The following WDFY3 variants were observed in gnomAD, a reference collection of about 807,000 sequenced individuals.
WDFY3 encodes WD repeat and FYVE domain-containing protein 3.
Under a neutral mutation model 409.6 loss-of-function variants are expected in WDFY3, and 66 were observed. The ratio of observed to expected loss-of-function variants is 0.16; its 90% confidence interval spans 0.13 to 0.20. The LOEUF (loss-of-function observed/expected upper bound fraction) is 0.20, where lower values mean the gene tolerates loss of function less well. Ranked by LOEUF, WDFY3 falls within the 10% of genes least tolerant of loss-of-function variation. The pLI, the probability that WDFY3 is intolerant of heterozygous loss-of-function variation, is 1.00. For missense variants in WDFY3, 3,031 were observed against 4,298.1 expected (o/e 0.71, Z 8.24); for synonymous variants, 1,521 against 1,537.1 (o/e 0.99, Z 0.25).
intron 62 of WDFY3, among the ~76,000 whole-genome samples, chr4:84,687,475 T>C (rs1728525687): frequency 6.6e-6 from 1 of 152,136 alleles, no homozygotes; most frequent in African/African-American, 2.4e-5. Flanking sequence ...TCCTACAAAT[T>C]TCCTGTTTTT....
chr4:84,705,080 G>T (rs1048947177), intron 54 of WDFY3, among the ~76,000 whole-genome samples: 10 of 152,092 alleles, frequency 6.6e-5, no homozygotes, highest in African/African-American at 2.4e-4. Context: ...ATTAAAGTAT[G>T]GTTCCTGGAC....
At position 84,671,662 on chromosome 4, in the gene WDFY3, T is replaced by A. The variant is rs1725461554; in HGVS notation, c.*1206A>T. 6.6e-6 allele frequency: 1 copy of A among 152,460 alleles called. No homozygotes were observed. The allele number at this position is 152,460 out of a possible 1,614,324, so 9.4% of individuals were successfully genotyped here. A position where few individuals can be genotyped will look rare whatever the true frequency, so the allele number is the denominator to read the frequency against. ...ATAACTAAATATTAAAATACTGTAATTATATTCATAGCAAAAACAAAAAAA... is the reference window on the plus strand; with the variant it reads ...ATAACTAAATATTAAAATACTGTAAATATATTCATAGCAAAAACAAAAAAA... On this transcript the variant is annotated 3_prime_UTR_variant, in exon 68 of 68. Coordinates refer to ENST00000295888, the MANE Select transcript of WDFY3 (RefSeq NM_014991.6).
chr4:84,858,062 CTCAT>C (rs1454632252), intron 4 of WDFY3, among the ~76,000 whole-genome samples: 1 of 152,120 alleles, frequency 6.6e-6, no homozygotes, highest in Non-Finnish European at 1.5e-5. Flanking sequence ...CTCTTTCTTT[CTCAT>C]TCATTCCCTT....
At chr4:84,748,183 A>G (rs1037219242) in intron 36 of WDFY3, among the ~76,000 whole-genome samples, 9 of 152,168 alleles carry the variant, frequency 5.9e-5, no homozygotes, top group African/African-American at 1.9e-4. Flanking sequence ...GAGCTAGGAG[A>G]AGAGTCTCCA....
At chr4:84,747,735 T>C (rs1216594733) in intron 36 of WDFY3, among the ~76,000 whole-genome samples, 2 of 152,086 alleles carry the variant, frequency 1.3e-5, no homozygotes, top group Non-Finnish European at 2.9e-5. Flanking sequence ...AAGGGGGTTT[T>C]CCCCTACTTC....
chr4:84,853,662 C>T (rs543788274), intron 4 of WDFY3, among the ~76,000 whole-genome samples: 135 of 152,318 alleles, frequency 8.9e-4, no homozygotes, highest in Admixed American at 1.4e-3. Flanking sequence ...AGTCTTCATG[C>T]TGGGTAAATA....
At chr4:84,933,234 T>C (rs1165236266) in intron 1 of WDFY3, among the ~76,000 whole-genome samples, 3 of 152,112 alleles carry the variant, frequency 2.0e-5, no homozygotes, top group East Asian at 1.9e-4. Context: ...TCAAACAAAA[T>C]CATTCAAAAT....
intron 47 of WDFY3, 65 bp from the exon 48 acceptor site, chr4:84,718,635 T>C: frequency 6.4e-7 from 1 of 1,554,584 alleles, no homozygotes; most frequent in Non-Finnish European, 8.7e-7. Flanking sequence ...TTTGTTAGAC[T>C]ACTACGGCAT....
chr4:84,944,117 T>G (rs535629530), intron 1 of WDFY3, among the ~76,000 whole-genome samples: 2 of 152,360 alleles, frequency 1.3e-5, no homozygotes, highest in South Asian at 2.1e-4. Context: ...CAAATACATA[T>G]GCTAAAACAA....
At chr4:84,949,371 A>T (rs1385182033) in intron 1 of WDFY3, among the ~76,000 whole-genome samples, 1 of 152,180 alleles carries the variant, frequency 6.6e-6, no homozygotes, top group Non-Finnish European at 1.5e-5. Context: ...TACACGCCCA[A>T]ATTTATTTTT....
At chr4:84,749,731 T>G (rs972825833) in intron 36 of WDFY3, among the ~76,000 whole-genome samples, 1 of 152,178 alleles carries the variant, frequency 6.6e-6, no homozygotes, top group Admixed American at 6.5e-5. Flanking sequence ...AAGGAACACA[T>G]GAAAGTTGTT....
intron 51 of WDFY3, among the ~76,000 whole-genome samples, chr4:84,710,241 G>T (rs951781244): frequency 3.3e-5 from 5 of 152,016 alleles, no homozygotes; most frequent in Non-Finnish European, 5.9e-5. Flanking sequence ...TACTTAATTA[G>T]AATAACTGAA....
intron 15 of WDFY3, 65 bp downstream of exon 15, chr4:84,808,268 TA>T: frequency 7.9e-7 from 1 of 1,259,342 alleles, no homozygotes. Context: ...CATGTTAACA[TA>T]AATAAGCACA....
chr4:84,736,994 TAA>T (rs200364139), intron 41 of WDFY3, among the ~76,000 whole-genome samples, 188 bp downstream of exon 41: 51 of 114,460 alleles, frequency 4.5e-4, no homozygotes, highest in Middle Eastern at 5.4e-3. Flanking sequence ...CCTCAGATGC[TAA>T]AAAAAAAAAA....
At chr4:84,955,791 T>C (rs1459379762) in intron 1 of WDFY3, among the ~76,000 whole-genome samples, 2 of 152,226 alleles carry the variant, frequency 1.3e-5, no homozygotes, top group Non-Finnish European at 2.9e-5. Context: ...ACACTTAACA[T>C]GTACTAAGTA....
intron 1 of WDFY3, among the ~76,000 whole-genome samples, chr4:84,934,263 T>C (rs2150981677): frequency 6.6e-6 from 1 of 152,316 alleles, no homozygotes; most frequent in Middle Eastern, 3.4e-3. Flanking sequence ...TGAATTTCTT[T>C]GATGATCAAT....
intron 12 of WDFY3, among the ~76,000 whole-genome samples, chr4:84,818,222 T>G (rs563383050): frequency 1.3e-5 from 2 of 152,302 alleles, no homozygotes; most frequent in South Asian, 4.1e-4. Context: ...TATGCCTACA[T>G]AGCCCAGCTC....
intron 3 of WDFY3, among the ~76,000 whole-genome samples, chr4:84,868,654 C>T (rs1761763021): frequency 6.6e-6 from 1 of 152,146 alleles, no homozygotes; most frequent in South Asian, 2.1e-4. Context: ...AAAAGCAACT[C>T]ACCTCCATTT....
At chr4:84,685,068 A>G (rs1157217773) in intron 62 of WDFY3, among the ~76,000 whole-genome samples, 3 of 152,210 alleles carry the variant, frequency 2.0e-5, no homozygotes, top group African/African-American at 7.2e-5. Flanking sequence ...AAGCTTATAT[A>G]CCATACCGTG....
Sources: gnomAD v4.1 joint callset for allele counts (sites outside exome capture counted in the v4.1 genomes callset) on GRCh38, gnomAD v4.1.1 for gene constraint, MANE v1.5 for transcripts, NCBI Gene and HGNC (gene_info 2026-07-23, HGNC 2026-07-21) for gene names.